PRCC: variants seen among roughly 807,000 people sequenced by gnomAD.
PRCC encodes proline rich mitotic checkpoint control factor.
Under a neutral mutation model 44.0 loss-of-function variants are expected in PRCC, and 10 were observed. The observed-to-expected ratio is 0.23, with a 90% confidence interval of 0.14 to 0.39. PRCC has a LOEUF of 0.39. Ranked by LOEUF, PRCC falls within the 10% of genes least tolerant of loss-of-function variation. The pLI is 1.00. For synonymous variants in PRCC, 278 were observed against 259.5 expected, an observed-to-expected ratio of 1.07 and a Z score of -0.69; for missense variants, 573 against 624.7, an observed-to-expected ratio of 0.92 and a Z score of 0.88.
At chr1:156,768,868 C>T (rs1244632462) in intron 1 of PRCC, among the ~76,000 whole-genome samples, 1 of 152,156 alleles carries the variant, frequency 6.6e-6, no homozygotes, top group African/African-American at 2.4e-5. Flanking sequence ...ACGATTTTAC[C>T]TGGTAACAGG....
Position 156,774,528 on chromosome 1 carries a change from C to A in PRCC, c.468+6289C>A, listed in dbSNP as rs144475216. Among the ~76,000 whole-genome samples the A allele has an allele frequency of 3.0e-3, 459 of 151,864 alleles. 3 individuals are homozygous for A. The highest frequency in any genetic ancestry group is 0.01 in the African/African-American group (433 of 41,406). ...ATGAAACAGGGTCTCAGTCTGTTGC[C>A]CAGGCTGGAATGTTGTGTCTCGATT... On this transcript the variant is annotated intron_variant, in intron 1 of 6. Transcript: ENST00000271526.
chr1:156,789,939 G>A (rs999682916), intron 3 of PRCC, among the ~76,000 whole-genome samples: 1 of 152,222 alleles, frequency 6.6e-6, no homozygotes, highest in Admixed American at 6.5e-5. Flanking sequence ...CAGGTTGTAC[G>A]TAGGTTTAAG....
chr1:156,799,785 C>T (rs1298404184), intron 6 of PRCC, among the ~76,000 whole-genome samples: 1 of 152,168 alleles, frequency 6.6e-6, no homozygotes, highest in East Asian at 1.9e-4. Context: ...GGTATAGAGC[C>T]AGGAGTTGTT....
chr1:156,789,442 G>A (rs545368778), intron 3 of PRCC, among the ~76,000 whole-genome samples: 3 of 152,294 alleles, frequency 2.0e-5, no homozygotes, highest in Non-Finnish European at 4.4e-5. Context: ...TTACAAGATA[G>A]CTTCCTGAAA....
chr1:156,778,017 A>T (rs556653831), intron 1 of PRCC, among the ~76,000 whole-genome samples: 1 of 152,368 alleles, frequency 6.6e-6, no homozygotes, highest in African/African-American at 2.4e-5. Flanking sequence ...TCAAACTAAC[A>T]TAGCTATCAC....
intron 6 of PRCC, among the ~76,000 whole-genome samples, chr1:156,799,244 A>G (rs913984931): frequency 6.6e-6 from 1 of 152,252 alleles, no homozygotes; most frequent in Admixed American, 6.5e-5. Context: ...CATATATTTT[A>G]TGCATTCACA....
chr1:156,777,095 C>T lies in PRCC; in HGVS notation c.469-5187C>T, dbSNP rs374790058. 9.2e-5 allele frequency among the ~76,000 whole-genome samples: 14 copies of T among 152,260 alleles called. 2 individuals carry two copies. Among genetic ancestry groups the T allele is most frequent in the Admixed American group, 7.9e-4 (12 of 15,282 alleles). On this transcript the variant is annotated intron_variant, in intron 1 of 6. Coordinates refer to ENST00000271526, the MANE Select transcript of PRCC (RefSeq NM_005973.5). ...GTGACATGGGTAAGTACTATTTGCA[C>T]CTTAGGCTTGGGGAAGTTAAATAGC...
At chr1:156,796,443 A>G (rs1435991612) in intron 5 of PRCC, 2 of 152,244 alleles carry the variant, frequency 1.3e-5, no homozygotes, top group African/African-American at 4.8e-5. Context: ...TTGATGACAT[A>G]AGTGCTGAGG....
At position 156,767,958 on chromosome 1, in the gene PRCC, C is replaced by A; in HGVS notation, c.187C>A (p.Pro63Thr). The A allele has an allele frequency of 6.3e-7, 1 of 1,584,904 alleles. No individual in the cohort carries two copies. The highest frequency in any genetic ancestry group is 8.6e-7 in the Non-Finnish European group (1 of 1,165,314). ...PPPQMLAPAFPPPLLLPPPTG... is the reference protein window; with the variant it reads ...PPPQMLAPAFTPPLLLPPPTG... ...CCCTCAGATGCTGGCGCCAGCCTTTCCCCCGCCGCTGTTGCTTCCCCCACC... is the reference window on the plus strand; with the variant it reads ...CCCTCAGATGCTGGCGCCAGCCTTTACCCCGCCGCTGTTGCTTCCCCCACC... Residue 63 changes from proline (P) to threonine (T), a missense_variant, in exon 1 of 7, where the codon CCC becomes ACC. Transcript: ENST00000271526.
In PRCC at chr1:156,768,228, C is replaced by T. The variant is rs2102748412; in HGVS notation, c.457C>T (p.His153Tyr). 1.3e-6 allele frequency: 2 copies of T among 1,539,098 alleles called. No homozygotes were observed. The highest frequency in any genetic ancestry group is 4.9e-5 in the East Asian group (2 of 40,750). ...CGTGAAGATCGCGGCGCCGGAGTTG[C>T]ATAAGGGAGATGTGAGTATCCGGGG... is the stretch of plus-strand genomic sequence containing the variant. Reference protein sequence around the residue: ...EPVKIAAPELHKGDSDSEEDE... With the variant: ...EPVKIAAPELYKGDSDSEEDE... Residue 153 changes from histidine to tyrosine, a missense_variant, in exon 1 of 7, where the codon CAT becomes TAT. His to Tyr is a moderately conservative substitution (Grantham distance 83, BLOSUM62 2). This residue lies in a region of PRCC where 118 missense variants were observed against 166.7 expected (regional missense o/e 0.71). Coordinates refer to ENST00000271526, the MANE Select transcript of PRCC (RefSeq NM_005973.5).
rs975262989 is a variant in PRCC at position 156,787,152 on chromosome 1, A to G, written c.1061A>G (p.Asn354Ser). The G allele has an allele frequency of 3.2e-5, 51 of 1,607,468 alleles. No homozygotes were observed. Among genetic ancestry groups the G allele is most frequent in the East Asian group, 1.1e-4 (5 of 44,748 alleles). Residue 354 changes from asparagine to serine, a missense_variant, in exon 3 of 7, where the codon AAT becomes AGT. Asn to Ser is a conservative substitution (Grantham distance 46). Coordinates refer to ENST00000271526, the MANE Select transcript of PRCC (RefSeq NM_005973.5). ...CAGTTTTCCACATATGGCGATGCCA[A>G]TGCCGCTGGTGCTTATTATCAGGTG... ...YNQFSTYGDA[N>S]AAGAYYQDYY...
Position 156,798,962 on chromosome 1 carries a change from T to A in PRCC, c.1390-1412T>A, listed in dbSNP as rs564741884. 2.6e-5 allele frequency among the ~76,000 whole-genome samples: 4 copies of A among 152,270 alleles called. No homozygotes were observed. The South Asian group carries it at 8.3e-4, about 32-fold the overall frequency. The stretch of plus-strand genomic sequence containing the variant: ...AGACAAGCAGCTCCCGTGGAAATGA[T>A]TAGCATTACGTGGTGTTTTAAGCAG... On this transcript the variant is annotated intron_variant, in intron 6 of 6. Transcript: ENST00000271526.
chr1:156,786,724 C>T lies in PRCC; in HGVS notation c.633C>T (p.Gly211=). ...CCTTCTCCCGCAAACCCTCGGATGG[C>T]TCCCCTGATACTAAGCCCTCCAGAC... ...PHAFSRKPSD[G]SPDTKPSRLA... The change falls in exon 3 of 7, where the codon GGC becomes GGT. Residue 211 remains glycine (G), a synonymous_variant. Transcript: ENST00000271526. 6.2e-7 allele frequency: 1 copy of T among 1,614,190 alleles called. No individual in the cohort carries two copies. The highest frequency in any genetic ancestry group is 8.5e-7 in the Non-Finnish European group (1 of 1,180,034).
chr1:156,779,767 T>C (rs1017284314), intron 1 of PRCC, among the ~76,000 whole-genome samples: 9 of 151,644 alleles, frequency 5.9e-5, no homozygotes, highest in Admixed American at 2.6e-4. Flanking sequence ...ATATTAGAGG[T>C]GGGGGGGTCT....
Position 156,791,692 on chromosome 1 carries a change from T to A in PRCC, c.1084-5T>A. 1 of 1,608,646 alleles carries A rather than the reference T, an allele frequency of 6.2e-7. No individual in the cohort carries two copies. Among genetic ancestry groups the A allele is most frequent in the Non-Finnish European group, 8.5e-7 (1 of 1,177,622 alleles). On this transcript the variant is annotated splice_region_variant and splice_polypyrimidine_tract_variant and intron_variant, in intron 3 of 6. Transcript: ENST00000271526. ...GGTGTGTTTTTCTTTCCTGTTTGGC[T>A]GCAGGATTATTACAGTGGTGGCTAC...
intron 2 of PRCC, 68 bp from the exon 3 acceptor site, chr1:156,786,540 G>T: frequency 1.4e-6 from 2 of 1,453,288 alleles, no homozygotes; most frequent in South Asian, 1.3e-5. Flanking sequence ...GTTGTTTTTG[G>T]TGTTGCTAGT....
At chr1:156,781,783 A>G (rs981978314) in intron 1 of PRCC, among the ~76,000 whole-genome samples, 5 of 152,244 alleles carry the variant, frequency 3.3e-5, no homozygotes, top group Non-Finnish European at 7.3e-5. Flanking sequence ...AATGCCTCAT[A>G]GAAGAGTAGT....
chr1:156,789,349 C>G (rs143115280), intron 3 of PRCC, among the ~76,000 whole-genome samples: 66 of 152,308 alleles, frequency 4.3e-4, no homozygotes, highest in African/African-American at 1.6e-3. Context: ...AGCACTTCCC[C>G]TATGTTGAAA....
intron 3 of PRCC, among the ~76,000 whole-genome samples, chr1:156,788,739 C>T (rs549405390): frequency 2.1e-4 from 31 of 149,866 alleles, no homozygotes; most frequent in Admixed American, 1.4e-3. Flanking sequence ...CTCAGCTCGC[C>T]GCAACTCTGC....
Sources: gnomAD v4.1 joint callset for allele counts (sites outside exome capture counted in the v4.1 genomes callset) on GRCh38, gnomAD v4.1.1 for gene constraint, gnomAD v4.1.1 regional missense constraint, MANE v1.5 for transcripts, NCBI Gene and HGNC (gene_info 2026-07-23, HGNC 2026-07-21) for gene names.